The following RPTOR variants were observed in gnomAD, a reference collection of about 807,000 sequenced individuals.
RPTOR encodes regulatory-associated protein of mTOR.
In RPTOR, 21 loss-of-function variants were observed where a neutral mutation model predicts 169.9. The ratio of observed to expected loss-of-function variants is 0.12; its 90% confidence interval spans 0.09 to 0.18. The LOEUF is 0.18. Among genes scored for constraint, RPTOR ranks in the 10% least tolerant of loss-of-function variants. The pLI, the probability that RPTOR is intolerant of heterozygous loss-of-function variation, is 1.00. For synonymous variants in RPTOR, 732 were observed against 753.2 expected (o/e 0.97, Z 0.46); for missense variants, 1,133 against 1,855.9 (o/e 0.61, Z 7.16).
Position 80,962,920 on chromosome 17 carries a change from C to G in RPTOR, c.3810-8C>G. On this transcript the variant is annotated splice_region_variant and splice_polypyrimidine_tract_variant and intron_variant, in intron 32 of 33. Transcript: ENST00000306801. ...GCAGTGATGCCGGGACCCTTTCTCT[C>G]CCCACAGTGGCTCCGTCAATCAGTT... 1.9e-6 allele frequency: 3 copies of G among 1,613,512 alleles called. No individual in the cohort carries two copies. Among genetic ancestry groups the G allele is most frequent in the Non-Finnish European group, 2.5e-6 (3 of 1,179,910 alleles).
At chr17:80,641,885 T>C (rs2065557208) in intron 2 of RPTOR, among the ~76,000 whole-genome samples, 1 of 152,166 alleles carries the variant, frequency 6.6e-6, no homozygotes, top group Non-Finnish European at 1.5e-5. Flanking sequence ...TTTGCTGCAT[T>C]GATTGGCTCT....
intron 2 of RPTOR, among the ~76,000 whole-genome samples, chr17:80,636,248 C>G (rs2143575282): frequency 6.6e-6 from 1 of 152,128 alleles, no homozygotes; most frequent in Admixed American, 6.5e-5. Context: ...CTCCGCCGCC[C>G]CAACTCTAGT....
At chr17:80,703,640 G>A (rs1289955801) in intron 3 of RPTOR, among the ~76,000 whole-genome samples, 1 of 152,080 alleles carries the variant, frequency 6.6e-6, no homozygotes, top group African/African-American at 2.4e-5. Flanking sequence ...CCCTACTTGA[G>A]CTGTCTTAAA....
chr17:80,702,734 G>C (rs1431652846), intron 3 of RPTOR, among the ~76,000 whole-genome samples: 2 of 152,180 alleles, frequency 1.3e-5, no homozygotes, highest in Non-Finnish European at 2.9e-5. Context: ...CACAGAGCCA[G>C]GGTCAGAAAT....
intron 6 of RPTOR, among the ~76,000 whole-genome samples, chr17:80,762,544 C>T (rs2066746447): frequency 6.6e-6 from 1 of 152,186 alleles, no homozygotes; most frequent in African/African-American, 2.4e-5. Context: ...AGAGTTTGTC[C>T]TACCGCCCTT....
rs2068955899 is a variant in RPTOR at position 80,936,500 on chromosome 17, G to A, written c.2920-3996G>A. ...AAGCTGATACAACCATACAATGAAA[G>A]ACTCATCAGAACAATATTTAAATAA... is the stretch of plus-strand genomic sequence containing the variant. On this transcript the variant is annotated intron_variant, in intron 24 of 33. Transcript: ENST00000306801. This position sits in a 1 kb window ranked among gnomAD's most constrained non-coding sequence, Gnocchi z 4.1. 6.6e-6 allele frequency among the ~76,000 whole-genome samples: 1 copy of A among 152,164 alleles called. No individual in the cohort carries two copies. Among genetic ancestry groups the A allele is most frequent in the Non-Finnish European group, 1.5e-5 (1 of 68,040 alleles).
chr17:80,845,279 CGT>C lies in RPTOR; in HGVS notation c.1213-1191_1213-1190del, dbSNP rs2067715718. 6.6e-6 allele frequency among the ~76,000 whole-genome samples: 1 copy of C among 152,148 alleles called. No individual in the cohort carries two copies. The highest frequency in any genetic ancestry group is 2.4e-5 in the African/African-American group (1 of 41,440). On this transcript the variant is annotated intron_variant, in intron 10 of 33. Coordinates refer to ENST00000306801, the MANE Select transcript of RPTOR (RefSeq NM_020761.3). The surrounding 1 kb of genome is among the most constrained non-coding windows in gnomAD (Gnocchi z 5.4). ...CACCCGGTGTGGCCCACGGAGAACT[CGT>C]GTCACCCCCTCGAGGGGCCCTGATG... is the stretch of plus-strand genomic sequence containing the variant.
At chr17:80,683,494 T>G (rs1381178584) in intron 3 of RPTOR, among the ~76,000 whole-genome samples, 1 of 152,210 alleles carries the variant, frequency 6.6e-6, no homozygotes, top group Non-Finnish European at 1.5e-5. Flanking sequence ...ATAAGGACTC[T>G]GGCTCTGTGC....
intron 6 of RPTOR, among the ~76,000 whole-genome samples, chr17:80,755,257 T>C (rs12938221): frequency 0.18 from 27,010 of 152,098 alleles, 2,840 homozygotes; most frequent in East Asian, 0.24. Context: ...CAGGTTTCCA[T>C]TCAGGGAGAG....
At chr17:80,722,589 T>C (rs2066296428) in intron 4 of RPTOR, among the ~76,000 whole-genome samples, 1 of 151,046 alleles carries the variant, frequency 6.6e-6, no homozygotes, top group African/African-American at 2.5e-5. Flanking sequence ...GGATGCAGCA[T>C]GTGAAGAGGT....
chr17:80,743,494 A>G, intron 5 of RPTOR: 1 of 980,834 alleles, frequency 1.0e-6, no homozygotes, highest in Non-Finnish European at 1.2e-6. Context: ...GAGCTCCAGC[A>G]GCGCGTTCGG....
At chr17:80,704,494 A>C (rs975920543) in intron 3 of RPTOR, among the ~76,000 whole-genome samples, 12 of 152,380 alleles carry the variant, frequency 7.9e-5, no homozygotes, top group Admixed American at 7.8e-4. Context: ...ATAGCAAAGC[A>C]GAAAGGATGA....
intron 24 of RPTOR, among the ~76,000 whole-genome samples, chr17:80,937,475 AAGG>A (rs1480743872): frequency 6.6e-6 from 1 of 152,164 alleles, no homozygotes; most frequent in Non-Finnish European, 1.5e-5. Context: ...TGCAACAGGA[AAGG>A]AGTTGTGTTT....
chr17:80,909,509 C>T (rs2068586673), intron 21 of RPTOR: 1 of 152,626 alleles, frequency 6.6e-6, no homozygotes, highest in Admixed American at 6.5e-5. Flanking sequence ...GCTGGGACTA[C>T]AGGTGCACAC....
At position 80,653,447 on chromosome 17, in the gene RPTOR, A is replaced by G. The variant is rs993244799; in HGVS notation, c.348+9637A>G. 2.6e-5 allele frequency among the ~76,000 whole-genome samples: 4 copies of G among 152,350 alleles called. No homozygotes were observed. The East Asian group carries it at 7.7e-4, about 29-fold the overall frequency. ...TCATATATATACTGTATAATTTAAT[A>G]CCAATCCCTTAAGATTCCTGTGTGT... On this transcript the variant is annotated intron_variant, in intron 3 of 33. Coordinates refer to ENST00000306801, the MANE Select transcript of RPTOR (RefSeq NM_020761.3).
chr17:80,626,435 A>G (rs1275797010), intron 2 of RPTOR, among the ~76,000 whole-genome samples: 2 of 152,100 alleles, frequency 1.3e-5, no homozygotes, highest in Admixed American at 6.6e-5. Context: ...GGAATGACTG[A>G]TACCTGCATG....
rs774392925 is a variant in RPTOR, at chr17:80,846,592, G to A, written c.1314+18G>A. 90 of 1,609,546 alleles carry A rather than the reference G, an allele frequency of 5.6e-5. 1 individual carries two copies. Among genetic ancestry groups the A allele is most frequent in the Admixed American group, 5.5e-4 (33 of 59,994 alleles). On this transcript the variant is annotated intron_variant, in intron 11 of 33. Transcript: ENST00000306801. Reference sequence around the variant, plus strand: ...TCCTGCAGGTGAGTTTCTTCAGACCGGGCCAGACAGCCGAGGTTCCTCAGG... The same window carrying A: ...TCCTGCAGGTGAGTTTCTTCAGACCAGGCCAGACAGCCGAGGTTCCTCAGG...
rs573187820 is a variant in RPTOR at position 80,786,966 on chromosome 17, T to A, written c.831-4484T>A. On this transcript the variant is annotated intron_variant, in intron 6 of 33. Coordinates refer to ENST00000306801, the MANE Select transcript of RPTOR (RefSeq NM_020761.3). ...TAAGCAGTTAATTAACAGGTATTTT[T>A]ATAGCATAATGGGTTTCCTCAAACC... 9.2e-5 allele frequency among the ~76,000 whole-genome samples: 14 copies of A among 152,332 alleles called. No homozygotes were observed. The South Asian group carries it at 2.7e-3, about 29-fold the overall frequency.
At chr17:80,830,921 T>G (rs1033175038) in intron 9 of RPTOR, among the ~76,000 whole-genome samples, 3 of 152,018 alleles carry the variant, frequency 2.0e-5, no homozygotes, top group Non-Finnish European at 4.4e-5. Flanking sequence ...TGTTTTGTAT[T>G]TTTTGTAGAG....
Sources: allele counts gnomAD v4.1 joint callset (sites outside exome capture counted in the v4.1 genomes callset), GRCh38; gene constraint gnomAD v4.1.1; non-coding constraint Gnocchi (gnomAD v3.1); transcripts MANE v1.5; gene names NCBI Gene and HGNC (gene_info 2026-07-23, HGNC 2026-07-21).